Variants in RBM12B observed in about 807,000 individuals in gnomAD.
RBM12B encodes the protein RNA-binding protein 12B.
In RBM12B, 10 loss-of-function variants were observed where a neutral mutation model predicts 34.3. The observed-to-expected ratio is 0.29, with a 90% confidence interval of 0.18 to 0.49. The LOEUF is 0.49. Among genes scored for constraint, RBM12B ranks in the 20% least tolerant of loss-of-function variants. The pLI, the probability that RBM12B is intolerant of heterozygous loss-of-function variation, is 0.99. For missense variants in RBM12B, 1,139 were observed against 1,262.7 expected (o/e 0.90, Z 1.48); for synonymous variants, 477 against 437.1 (o/e 1.09, Z -1.14).
chr8:93,738,896 G>A (rs1249735935), intron 2 of RBM12B: 1 of 152,106 alleles, frequency 6.6e-6, no homozygotes, highest in East Asian at 1.9e-4. Flanking sequence ...CTTTAAAAAA[G>A]GGTACGTAGA....
chr8:93,738,437 A>G (rs189784341), intron 2 of RBM12B, among the ~76,000 whole-genome samples: 20 of 152,354 alleles, frequency 1.3e-4, no homozygotes, highest in Non-Finnish European at 2.5e-4. Flanking sequence ...GACTTGCCAA[A>G]TAAATAATTA....
In RBM12B at chr8:93,735,263, G is replaced by A. The variant is rs1370791509; in HGVS notation, c.1148C>T (p.Pro383Leu). 1.2e-6 allele frequency: 2 copies of A among 1,613,712 alleles called. No homozygotes were observed. Among genetic ancestry groups the A allele is most frequent in the African/African-American group, 2.7e-5 (2 of 74,866 alleles). Residue 383 changes from proline (P) to leucine (L), a missense_variant, in exon 4 of 4, where the codon CCC becomes CTC. Transcript: ENST00000520560. ...AGAGTATTTTTGTGAAACATGTCCG[G>A]GCCTATCTCTCTCTAGTGACCCTGA... is the stretch of plus-strand genomic sequence containing the variant. The part of the protein sequence containing the change: ...KRSGSLERDR[P>L]GHVSQKYSQE...
Position 93,733,519 on chromosome 8 carries a change from T to C in RBM12B, c.2892A>G (p.Leu964=), listed in dbSNP as rs948630764. 4.3e-6 allele frequency: 7 copies of C among 1,611,830 alleles called. No individual in the cohort carries two copies. The highest frequency in any genetic ancestry group is 1.7e-5 in the Admixed American group (1 of 59,846). Residue 964 remains leucine, a synonymous_variant, in exon 4 of 4, where the codon TTA becomes TTG. Coordinates refer to ENST00000520560, the MANE Select transcript of RBM12B (RefSeq NM_001377960.1). The part of the protein sequence containing the change: ...SVSIQYNEQG[L]PTGEAIVAMI... ...TAGCAACAATGGCTTCCCCTGTAGG[T>C]AAGCCTTGCTCATTATACTGTATCG...
Position 93,734,725 on chromosome 8 carries a change from TGAG to T in RBM12B, c.1683_1685del (p.Ser562del), listed in dbSNP as rs776983345. On this transcript the variant is annotated inframe_deletion, in exon 4 of 4. Coordinates refer to ENST00000520560, the MANE Select transcript of RBM12B (RefSeq NM_001377960.1). ...CCTCCGGGGGGAACCTAAAGTCCTC[TGAG>T]GAGTGTCGGAAGTCTTCTGGAGGGT... 56 of 1,613,890 alleles carry T rather than the reference TGAG, an allele frequency of 3.5e-5. No homozygotes were observed. The highest frequency in any genetic ancestry group is 1.9e-5 in the Non-Finnish European group (23 of 1,179,888).
chr8:93,728,795 G>GTA lies in RBM12B; in HGVS notation c.*4608_*4609dup, dbSNP rs1364761008. 5.9e-5 allele frequency: 9 copies of GTA among 151,948 alleles called. No individual in the cohort carries two copies. The highest frequency in any genetic ancestry group is 2.2e-4 in the African/African-American group (9 of 41,390). The allele number at this position is 151,948 out of a possible 1,614,324, so 9.4% of individuals were successfully genotyped here. ...TAAGTAAATTTACTTTTCAAGAAGA[G>GTA]TATAACCAAAGAGTAAAGATAATGT... is the stretch of plus-strand genomic sequence containing the variant. On this transcript the variant is annotated 3_prime_UTR_variant, in exon 4 of 4. Transcript: ENST00000520560.
chr8:93,733,233 G>T lies in RBM12B; in HGVS notation c.*172C>A. 2.3e-6 allele frequency: 1 copy of T among 429,002 alleles called. No homozygotes were observed. Among genetic ancestry groups the T allele is most frequent in the East Asian group, 3.9e-5 (1 of 25,428 alleles). 26.6% of individuals were successfully genotyped at this position (429,002 alleles called of 1,614,324 possible). ...TGAAAAAAAAAAAGAATGGCAATTT[G>T]CAAGCAAAAGAAAACCAGATTCACA... On this transcript the variant is annotated 3_prime_UTR_variant, in exon 4 of 4. Transcript: ENST00000520560.
Position 93,734,927 on chromosome 8 carries a change from A to T in RBM12B, c.1484T>A (p.Met495Lys), listed in dbSNP as rs201159126. The change falls in exon 4 of 4, where the codon ATG (methionine) becomes AAG (lysine). Residue 495 changes from methionine to lysine, a missense_variant. This residue lies in a region of RBM12B where 863 missense variants were observed against 869.5 expected (regional missense o/e 0.99). Transcript: ENST00000520560. Reference protein sequence around the residue: ...VNFSVMSSEKMQARSQSRERG... With the variant: ...VNFSVMSSEKKQARSQSRERG... ...CTCACGTGACTGTGAGCGAGCTTGC[A>T]TTTTTTCACTGGACATCACAGAAAA... The T allele has an allele frequency of 6.2e-7, 1 of 1,613,948 alleles. No homozygotes were observed. Among genetic ancestry groups the T allele is most frequent in the South Asian group, 1.1e-5 (1 of 91,078 alleles).
Position 93,740,681 on chromosome 8 carries a change from C to G in RBM12B, c.-130G>C. 2.7e-6 allele frequency: 1 copy of G among 369,218 alleles called. No homozygotes were observed. 22.9% of individuals were successfully genotyped at this position (369,218 alleles called of 1,614,324 possible). ...TCAAGATCCCTGGGAAGCGCACATA[C>G]ACCACCACATGGAAGCTGACGGGAA... On this transcript the variant is annotated 5_prime_UTR_variant, in exon 2 of 4. Transcript: ENST00000520560.
At chr8:93,739,918 C>T (rs1268233044) in intron 2 of RBM12B, among the ~76,000 whole-genome samples, 2 of 152,156 alleles carry the variant, frequency 1.3e-5, no homozygotes, top group African/African-American at 4.8e-5. Flanking sequence ...TAAGGGGATA[C>T]AGAGAGGGAA....
rs2130431333 is a variant in RBM12B at position 93,733,074 on chromosome 8, TG to T, written c.*330del. 1 of 168,012 alleles carries T rather than the reference TG, an allele frequency of 6.0e-6. No individual in the cohort carries two copies. Among genetic ancestry groups the T allele is most frequent in the South Asian group, 2.0e-4 (1 of 5,086 alleles). The allele number at this position is 168,012 out of a possible 1,614,324, so 10.4% of individuals were successfully genotyped here. A position where few individuals can be genotyped will look rare whatever the true frequency, so the allele number is the denominator to read the frequency against. ...AAGAAAAAAAAAAGTGAATATAAAA[TG>T]TATCTTCCCCAAATACAACTCTACT... On this transcript the variant is annotated 3_prime_UTR_variant, in exon 4 of 4. Transcript: ENST00000520560.
intron 2 of RBM12B, chr8:93,740,128 C>G (rs538901779): frequency 2.7e-6 from 1 of 364,006 alleles, no homozygotes; most frequent in South Asian, 2.1e-5. Context: ...ATAATCTACA[C>G]CAACCCATAA....
Position 93,733,994 on chromosome 8 carries a change from G to A in RBM12B, c.2417C>T (p.Pro806Leu). The A allele has an allele frequency of 1.9e-6, 3 of 1,612,684 alleles. No homozygotes were observed. Among genetic ancestry groups the A allele is most frequent in the Non-Finnish European group, 2.5e-6 (3 of 1,179,644 alleles). Reference sequence around the variant, plus strand: ...AGGGCCCCTGAAGTCTTCATCTGGTGGGTGCCTGAAATCTTCCTCTCGGGA... The same window carrying A: ...AGGGCCCCTGAAGTCTTCATCTGGTAGGTGCCTGAAATCTTCCTCTCGGGA... The part of the protein sequence containing the change: ...RRSREEDFRH[P>L]PDEDFRGPPD... Residue 806 changes from proline (P) to leucine (L), a missense_variant, in exon 4 of 4, where the codon CCA becomes CTA. Physicochemically the swap from Pro to Leu is moderately conservative, Grantham distance 98. Coordinates refer to ENST00000520560, the MANE Select transcript of RBM12B (RefSeq NM_001377960.1).
intron 2 of RBM12B, among the ~76,000 whole-genome samples, chr8:93,739,968 A>G (rs1000019856): frequency 1.8e-4 from 28 of 152,238 alleles, no homozygotes; most frequent in Admixed American, 1.8e-3. Context: ...ATATCTCATC[A>G]GATCCATTTG....
rs763674652 is a variant in RBM12B at position 93,734,146 on chromosome 8, G to T, written c.2265C>A (p.Phe755Leu). 1 of 1,561,794 alleles carries T rather than the reference G, an allele frequency of 6.4e-7. No individual in the cohort carries two copies. Among genetic ancestry groups the T allele is most frequent in the Non-Finnish European group, 8.7e-7 (1 of 1,155,966 alleles). ...EHFRRPPPEH[F>L]RRPPPEHFRR... The stretch of plus-strand genomic sequence containing the variant: ...TGAAGTGCTCTGGGGGTGGCCGCCG[G>T]AAGTGCTCTGGGGGAGGCCGCCTAA... The change falls in exon 4 of 4, where the codon TTC (phenylalanine) becomes TTA (leucine). Residue 755 changes from phenylalanine to leucine, a missense_variant. Transcript: ENST00000520560.
At chr8:93,739,155 TTAAGA>T (rs530649447) in intron 2 of RBM12B, 18 of 152,314 alleles carry the variant, frequency 1.2e-4, no homozygotes, top group African/African-American at 4.1e-4. Context: ...GCTACTCTTT[TTAAGA>T]TATTTTAGAA....
In RBM12B at chr8:93,734,629, G is replaced by A. The variant is rs2130447011; in HGVS notation, c.1782C>T (p.Asp594=). ...AATCTTCCTCCCAAGGGCGCCTGAA[G>A]TCCTCCTCAGAAGGCCGCCTGAAGT... ...EEDFRRPSEE[D]FRRPWEEDFR... Residue 594 remains aspartate, a synonymous_variant, in exon 4 of 4, where the codon GAC becomes GAT. Coordinates refer to ENST00000520560, the MANE Select transcript of RBM12B (RefSeq NM_001377960.1). 1.2e-6 allele frequency: 2 copies of A among 1,611,920 alleles called. No individual in the cohort carries two copies. Among genetic ancestry groups the A allele is most frequent in the Non-Finnish European group, 1.7e-6 (2 of 1,179,312 alleles).
Position 93,732,018 on chromosome 8 carries a change from T to C in RBM12B, c.*1387A>G, listed in dbSNP as rs969393413. 1 of 152,442 alleles carries C rather than the reference T, an allele frequency of 6.6e-6. No individual in the cohort carries two copies. The highest frequency in any genetic ancestry group is 1.5e-5 in the Non-Finnish European group (1 of 68,024). The allele number at this position is 152,442 out of a possible 1,614,324, so 9.4% of individuals were successfully genotyped here. ...AATCATTTATCCTTGAAAGTATCTT[T>C]AGCATGGTCTTCCTAATTAAAAATA... On this transcript the variant is annotated 3_prime_UTR_variant, in exon 4 of 4. Coordinates refer to ENST00000520560, the MANE Select transcript of RBM12B (RefSeq NM_001377960.1).
Position 93,735,942 on chromosome 8 carries a change from A to G in RBM12B, c.469T>C (p.Leu157=). 6.2e-7 allele frequency: 1 copy of G among 1,614,226 alleles called. No individual in the cohort carries two copies. The highest frequency in any genetic ancestry group is 8.5e-7 in the Non-Finnish European group (1 of 1,180,042). ...AGGTAAGGCAAACCTCGTAGAAACA[A>G]GTAAGGATTCTCGGCCTTCAATGGC... is the stretch of plus-strand genomic sequence containing the variant. ...TRPLKAENPY[L]FLRGLPYLVN... is the part of the protein sequence containing the mutation. The change falls in exon 4 of 4, where the codon TTG becomes CTG. Residue 157 remains leucine (L), a synonymous_variant. Transcript: ENST00000520560.
chr8:93,740,706 A>G lies in RBM12B; in HGVS notation c.-145-10T>C, dbSNP rs1459100482. On this transcript the variant is annotated splice_polypyrimidine_tract_variant and intron_variant, in intron 1 of 3. Coordinates refer to ENST00000520560, the MANE Select transcript of RBM12B (RefSeq NM_001377960.1). The stretch of plus-strand genomic sequence containing the variant: ...CACCACCACATGGAAGCTGACGGGA[A>G]AGGAAGAGTCGGTGTTTTAGCAAGA... 2 of 359,490 alleles carry G rather than the reference A, an allele frequency of 5.6e-6. No homozygotes were observed. Among genetic ancestry groups the G allele is most frequent in the Non-Finnish European group, 1.1e-5 (2 of 183,674 alleles). 22.3% of individuals were successfully genotyped at this position (359,490 alleles called of 1,614,324 possible).
Sources: allele counts gnomAD v4.1 joint callset (sites outside exome capture counted in the v4.1 genomes callset), GRCh38; gene constraint gnomAD v4.1.1; regional missense constraint gnomAD v4.1.1; transcripts MANE v1.5; gene names NCBI Gene and HGNC (gene_info 2026-07-23, HGNC 2026-07-21).